The following PRKAG2 variants were observed in gnomAD, a reference collection of about 807,000 sequenced individuals.
PRKAG2 encodes 5'-AMP-activated protein kinase subunit gamma-2.
Under a neutral mutation model 69.6 loss-of-function variants are expected in PRKAG2, and 26 were observed. The ratio of observed to expected loss-of-function variants is 0.37; its 90% confidence interval spans 0.27 to 0.52. The LOEUF (loss-of-function observed/expected upper bound fraction) is 0.52, where lower values mean the gene tolerates loss of function less well. Among genes scored for constraint, PRKAG2 ranks in the 20% least tolerant of loss-of-function variants. The pLI, the probability that PRKAG2 is intolerant of heterozygous loss-of-function variation, is 0.90. For missense variants in PRKAG2, 557 were observed against 740.0 expected (o/e 0.75, Z 2.87); for synonymous variants, 293 against 285.0 (o/e 1.03, Z -0.28).
chr7:151,746,845 A>C (rs1860741), intron 3 of PRKAG2, among the ~76,000 whole-genome samples: 86,470 of 152,098 alleles, frequency 0.57, 26,331 homozygotes, highest in African/African-American at 0.79. Flanking sequence ...CCTTGGCAGA[A>C]CCTGCTCTGG....
chr7:151,638,378 T>A lies in PRKAG2; in HGVS notation c.685-6240A>T, dbSNP rs1205602169. ...ATCCCGGCATGGTGGCTCATGCCTG[T>A]AATCCCAGCACTTTGGGAGGCCGAG... On this transcript the variant is annotated intron_variant, in intron 4 of 15. Transcript: ENST00000287878. The surrounding 1 kb of genome is among the most constrained non-coding windows in gnomAD (Gnocchi z 4.3). 6.6e-6 allele frequency among the ~76,000 whole-genome samples: 1 copy of A among 152,176 alleles called. No homozygotes were observed. Among genetic ancestry groups the A allele is most frequent in the Admixed American group, 6.5e-5 (1 of 15,286 alleles).
intron 1 of PRKAG2, among the ~76,000 whole-genome samples, chr7:151,876,230 CCACCCGCCG>C (rs1327556145): frequency 6.6e-5 from 10 of 152,076 alleles, no homozygotes; most frequent in Admixed American, 6.5e-4. Flanking sequence ...GCCCAGCCGC[CCACCCGCCG>C]CGCCCGGCGC....
At chr7:151,575,159 C>A (rs991101534) in intron 7 of PRKAG2, among the ~76,000 whole-genome samples, 2 of 152,104 alleles carry the variant, frequency 1.3e-5, no homozygotes, top group African/African-American at 2.4e-5. Context: ...TTAAACCTGA[C>A]AGTAAGTACT....
At chr7:151,812,938 A>G (rs1162876724) in intron 1 of PRKAG2, among the ~76,000 whole-genome samples, 1 of 61,652 alleles carries the variant, frequency 1.6e-5, no homozygotes, top group African/African-American at 5.0e-5. Flanking sequence ...CTGGGCTGAA[A>G]AAAAAAAAAC....
At chr7:151,746,986 AC>A (rs2074322929) in intron 3 of PRKAG2, among the ~76,000 whole-genome samples, 1 of 152,192 alleles carries the variant, frequency 6.6e-6, no homozygotes, top group Non-Finnish European at 1.5e-5. Flanking sequence ...CTTTTTAACC[AC>A]ACATACTAAG....
rs1191992851 is a variant in PRKAG2, at chr7:151,632,296, G to T, written c.685-158C>A. ...GGGCAGCGGGGGCCGGGGGCGGAGC[G>T]GGAGCGCTGCCCCCACCCGCCCGAG... On this transcript the variant is annotated intron_variant, in intron 4 of 15. Coordinates refer to ENST00000287878, the MANE Select transcript of PRKAG2 (RefSeq NM_016203.4). This position sits in a 1 kb window ranked among gnomAD's most constrained non-coding sequence, Gnocchi z 4.2. 7.5e-6 allele frequency: 7 copies of T among 938,220 alleles called. No individual in the cohort carries two copies. The South Asian group carries it at 2.9e-4, about 39-fold the overall frequency. 58.1% of individuals were successfully genotyped at this position (938,220 alleles called of 1,614,324 possible). A position where few individuals can be genotyped will look rare whatever the true frequency, so the allele number is the denominator to read the frequency against.
At chr7:151,876,468 GGA>G (rs2080408382) in intron 1 of PRKAG2, 37 bp downstream of exon 1, 1 of 1,567,286 alleles carries the variant, frequency 6.4e-7, no homozygotes, top group Non-Finnish European at 8.7e-7. Context: ...GGGAGCGACA[GGA>G]GGGCTGGGGA....
intron 3 of PRKAG2, among the ~76,000 whole-genome samples, chr7:151,694,139 A>G (rs551892188): frequency 2.6e-5 from 4 of 152,220 alleles, no homozygotes; most frequent in Admixed American, 2.0e-4. Flanking sequence ...CTCCCAAAGT[A>G]TTGGGATTAC....
intron 5 of PRKAG2, among the ~76,000 whole-genome samples, chr7:151,619,198 G>C (rs889268400): frequency 6.6e-6 from 1 of 152,096 alleles, no homozygotes; most frequent in Non-Finnish European, 1.5e-5. Context: ...CATAATTAAA[G>C]CATCTACCAC....
rs1267244098 is a variant in PRKAG2, at chr7:151,777,258, G to A, written c.466+3894C>T. On this transcript the variant is annotated intron_variant, in intron 3 of 15. Transcript: ENST00000287878. The surrounding 1 kb of genome is among the most constrained non-coding windows in gnomAD (Gnocchi z 4.3). ...CCAGCAGAGTCATCCCCAGGCCTGT[G>A]CCTGCGTTCCCTCACTGTGAGCACA... is the stretch of plus-strand genomic sequence containing the variant. 2.6e-5 allele frequency among the ~76,000 whole-genome samples: 4 copies of A among 152,218 alleles called. No homozygotes were observed. The highest frequency in any genetic ancestry group is 5.9e-5 in the Non-Finnish European group (4 of 68,030).
intron 15 of PRKAG2, chr7:151,559,846 AGAG>A: frequency 1.0e-6 from 1 of 985,178 alleles, no homozygotes; most frequent in Non-Finnish European, 1.2e-6. Context: ...AGGGATGGGA[AGAG>A]GAGGAGGGAA....
chr7:151,803,286 G>C (rs2077937703), intron 1 of PRKAG2, among the ~76,000 whole-genome samples: 1 of 152,090 alleles, frequency 6.6e-6, no homozygotes, highest in South Asian at 2.1e-4. Context: ...GGTAATAGCT[G>C]GGGAGCCGGA....
chr7:151,726,398 ACACG>A (rs1006791536), intron 3 of PRKAG2, among the ~76,000 whole-genome samples: 7 of 146,364 alleles, frequency 4.8e-5, no homozygotes, highest in African/African-American at 1.3e-4. Context: ...ACACACACAC[ACACG>A]CACACACACA....
Position 151,774,159 on chromosome 7 carries a change from T to C in PRKAG2, c.466+6993A>G, listed in dbSNP as rs530279739. ...TGATATTCCATGGTGGCTAGGAGTA[T>C]GATGAGAACGCCAGCCACACTACGA... On this transcript the variant is annotated intron_variant, in intron 3 of 15. Transcript: ENST00000287878. Among the ~76,000 whole-genome samples the C allele has an allele frequency of 2.0e-5, 3 of 152,260 alleles. No individual in the cohort carries two copies. The East Asian group carries it at 5.8e-4, about 29-fold the overall frequency.
chr7:151,624,091 T>C (rs1173786785), intron 5 of PRKAG2, among the ~76,000 whole-genome samples: 2 of 152,048 alleles, frequency 1.3e-5, no homozygotes, highest in African/African-American at 2.4e-5. Flanking sequence ...TGATGTTATA[T>C]AAATTCAGAT....
chr7:151,663,232 C>G (rs1385449872), intron 4 of PRKAG2, among the ~76,000 whole-genome samples: 1 of 152,190 alleles, frequency 6.6e-6, no homozygotes, highest in East Asian at 1.9e-4. Flanking sequence ...AGAACAAAGA[C>G]CCTTCCACCT....
chr7:151,822,334 G>A (rs2078804958), intron 1 of PRKAG2, among the ~76,000 whole-genome samples: 1 of 151,934 alleles, frequency 6.6e-6, no homozygotes, highest in Non-Finnish European at 1.5e-5. Context: ...CAGCAGGCCA[G>A]GGTCAAGGGC....
intron 3 of PRKAG2, among the ~76,000 whole-genome samples, chr7:151,704,221 TTTAAG>T (rs1838230273): frequency 1.3e-5 from 2 of 152,306 alleles, no homozygotes; most frequent in African/African-American, 4.8e-5. Context: ...AATTACACTT[TTTAAG>T]TTATTTTAAA....
chr7:151,605,660 C>A (rs1190817955), intron 5 of PRKAG2, among the ~76,000 whole-genome samples: 1 of 152,078 alleles, frequency 6.6e-6, no homozygotes, highest in African/African-American at 2.4e-5. Flanking sequence ...TTGCTTCAGG[C>A]CAGGTGCAGT....
Sources: allele counts gnomAD v4.1 joint callset (sites outside exome capture counted in the v4.1 genomes callset), GRCh38; gene constraint gnomAD v4.1.1; non-coding constraint Gnocchi (gnomAD v3.1); transcripts MANE v1.5; gene names NCBI Gene and HGNC (gene_info 2026-07-23, HGNC 2026-07-21).